Variants in ZNF267 observed in about 807,000 individuals in gnomAD.
The protein encoded by ZNF267 is zinc finger (C2H2).
Under a neutral mutation model 71.6 loss-of-function variants are expected in ZNF267, and 61 were observed. The ratio of observed to expected loss-of-function variants is 0.85; its 90% CI spans 0.69 to 1.05. The LOEUF (loss-of-function observed/expected upper bound fraction) is 1.05. Ranked by LOEUF, ZNF267 falls within the 50% of genes least tolerant of loss-of-function variation. The probability of loss-of-function intolerance (pLI) is 0.00; values close to 1 mark genes in which losing one functional copy is unlikely to be tolerated. For missense variants in ZNF267, 852 were observed against 870.0 expected (o/e 0.98, Z 0.26); for synonymous variants, 288 against 293.2 (o/e 0.98, Z 0.18).
At chr16:31,906,082 G>A (rs1947080909) in intron 3 of ZNF267, among the ~76,000 whole-genome samples, 1 of 152,184 alleles carries the variant, frequency 6.6e-6, no homozygotes, top group Non-Finnish European at 1.5e-5. Context: ...ATCAGCAGTG[G>A]TGGCTGCTGA....
chr16:31,910,653 G>T (rs2084128683), intron 3 of ZNF267, among the ~76,000 whole-genome samples: 1 of 150,804 alleles, frequency 6.6e-6, no homozygotes, highest in African/African-American at 2.5e-5. Context: ...CAAGCTAAAG[G>T]TTTGTAAATT....
intron 1 of ZNF267, chr16:31,874,186 G>T (rs1391893354): frequency 1.5e-5 from 8 of 523,756 alleles, no homozygotes; most frequent in Non-Finnish European, 2.7e-5. Flanking sequence ...TCCCGACCCC[G>T]CAGAGCGACC....
intron 1 of ZNF267, among the ~76,000 whole-genome samples, chr16:31,880,504 T>C (rs1274974927): frequency 2.6e-5 from 4 of 152,160 alleles, no homozygotes; most frequent in Non-Finnish European, 5.9e-5. Context: ...CTATGACAAC[T>C]CAATTTTCTA....
chr16:31,874,603 C>G (rs1043535364), intron 1 of ZNF267, among the ~76,000 whole-genome samples: 1 of 152,158 alleles, frequency 6.6e-6, no homozygotes, highest in Admixed American at 6.5e-5. Context: ...ATTTTGTTTT[C>G]CCCTAAAGTT....
In ZNF267 at chr16:31,914,746, G is replaced by A; in HGVS notation, c.497G>A (p.Arg166Lys). The change falls in exon 4 of 4, where the codon AGG becomes AAG. Residue 166 changes from arginine to lysine, a missense_variant. By Grantham distance (26) the Arg-to-Lys change is conservative. Coordinates refer to ENST00000300870, the MANE Select transcript of ZNF267 (RefSeq NM_003414.6). Reference protein sequence around the residue: ...CAKSYNFDQYRKVFTHSSLLN... With the variant: ...CAKSYNFDQYKKVFTHSSLLN... ...AAAAGCTATAACTTTGATCAATATA[G>A]GAAGGTCTTTACTCATTCATCATTG... The A allele has an allele frequency of 6.2e-7, 1 of 1,614,030 alleles. No homozygotes were observed. Among genetic ancestry groups the A allele is most frequent in the Non-Finnish European group, 8.5e-7 (1 of 1,180,002 alleles).
intron 3 of ZNF267, among the ~76,000 whole-genome samples, chr16:31,902,440 T>C (rs1432504271): frequency 1.3e-5 from 2 of 152,234 alleles, no homozygotes; most frequent in Non-Finnish European, 2.9e-5. Flanking sequence ...GGAATGTTCT[T>C]CCATTTGTTT....
At chr16:31,876,890 CCCAGCCT>C (rs1012859354) in intron 1 of ZNF267, among the ~76,000 whole-genome samples, 55 of 152,260 alleles carry the variant, frequency 3.6e-4, no homozygotes, top group African/African-American at 1.3e-3. Context: ...CTGCAGGTTT[CCCAGCCT>C]GCTCACCCCA....
chr16:31,896,139 G>T (rs1048574767), intron 3 of ZNF267, among the ~76,000 whole-genome samples: 1 of 151,720 alleles, frequency 6.6e-6, no homozygotes, highest in African/African-American at 2.4e-5. Flanking sequence ...ATCCACTTGA[G>T]TAGGCTCACT....
chr16:31,877,431 G>A (rs1265261004), intron 1 of ZNF267, among the ~76,000 whole-genome samples: 1 of 152,092 alleles, frequency 6.6e-6, no homozygotes, highest in African/African-American at 2.4e-5. Context: ...AAGCTCAGAA[G>A]GTAGGAGGGG....
At chr16:31,897,562 G>T (rs566216154) in intron 3 of ZNF267, among the ~76,000 whole-genome samples, 6 of 151,924 alleles carry the variant, frequency 3.9e-5, no homozygotes, top group African/African-American at 1.4e-4. Flanking sequence ...TTCCCCCCAA[G>T]ATTGTTTGGC....
At chr16:31,907,080 A>G (rs1288123465) in intron 3 of ZNF267, among the ~76,000 whole-genome samples, 1 of 152,042 alleles carries the variant, frequency 6.6e-6, no homozygotes. Flanking sequence ...TGATCATTTT[A>G]TAAGAGTGGC....
chr16:31,900,540 G>T (rs2084031608), intron 3 of ZNF267, among the ~76,000 whole-genome samples: 1 of 152,074 alleles, frequency 6.6e-6, no homozygotes, highest in Non-Finnish European at 1.5e-5. Flanking sequence ...CGCCTCCTGG[G>T]TTCACGCCAT....
intron 3 of ZNF267, among the ~76,000 whole-genome samples, chr16:31,903,435 T>C (rs542953728): frequency 6.6e-5 from 10 of 152,282 alleles, no homozygotes; most frequent in Admixed American, 2.0e-4. Context: ...TTTTGGTTGG[T>C]AAGCTATTAA....
At chr16:31,900,451 A>AT (rs1377661725) in intron 3 of ZNF267, among the ~76,000 whole-genome samples, 3 of 151,618 alleles carry the variant, frequency 2.0e-5, no homozygotes, top group Non-Finnish European at 2.9e-5. Flanking sequence ...TTATTTCTTT[A>AT]TTTTTTTTCC....
At position 31,915,689 on chromosome 16, in the gene ZNF267, TATGCATCAG is replaced by T; in HGVS notation, c.1442_1450del (p.Met481_Gln483del). The T allele has an allele frequency of 6.2e-7, 1 of 1,613,818 alleles. No individual in the cohort carries two copies. The highest frequency in any genetic ancestry group is 8.5e-7 in the Non-Finnish European group (1 of 1,179,954). On this transcript the variant is annotated inframe_deletion, in exon 4 of 4. Coordinates refer to ENST00000300870, the MANE Select transcript of ZNF267 (RefSeq NM_003414.6). The stretch of plus-strand genomic sequence containing the variant: ...CTTATGCTCGTTCTTCAAATCTTAT[TATGCATCAG>T]AGAGTTCATACTGGAGAGAAGCCTT...
chr16:31,914,546 A>G lies in ZNF267; in HGVS notation c.297A>G (p.Ile99Met). ...CAGAAGCTTCATTCCAAAAAGTGAT[A>G]TCGAGGAGACATGGGAGCTGTGATC... ...HCTEASFQKVISRRHGSCDLE... is the reference protein window; with the variant it reads ...HCTEASFQKVMSRRHGSCDLE... Residue 99 changes from isoleucine (I) to methionine (M), a missense_variant, in exon 4 of 4, where the codon ATA becomes ATG. Ile to Met is a conservative substitution (Grantham distance 10). Transcript: ENST00000300870. The G allele has an allele frequency of 1.2e-6, 2 of 1,614,146 alleles. No homozygotes were observed. The highest frequency in any genetic ancestry group is 1.7e-6 in the Non-Finnish European group (2 of 1,179,998).
At chr16:31,887,378 A>T (rs532484591) in intron 3 of ZNF267, among the ~76,000 whole-genome samples, 1 of 151,114 alleles carries the variant, frequency 6.6e-6, no homozygotes, top group South Asian at 2.1e-4. Flanking sequence ...CTGTGCATAC[A>T]CTTTTTTGTT....
At chr16:31,904,286 G>A (rs1401180192) in intron 3 of ZNF267, among the ~76,000 whole-genome samples, 2 of 152,224 alleles carry the variant, frequency 1.3e-5, no homozygotes, top group African/African-American at 4.8e-5. Context: ...GGAGAGTTCT[G>A]TAGATGTCTA....
At chr16:31,909,777 C>CT (rs2084121896) in intron 3 of ZNF267, among the ~76,000 whole-genome samples, 1 of 152,184 alleles carries the variant, frequency 6.6e-6, no homozygotes, top group Non-Finnish European at 1.5e-5. Flanking sequence ...GCTGCTGTAG[C>CT]TAGCACTTCC....
Sources: allele counts gnomAD v4.1 joint callset (sites outside exome capture counted in the v4.1 genomes callset), GRCh38; gene constraint gnomAD v4.1.1; transcripts MANE v1.5; gene names NCBI Gene and HGNC (gene_info 2026-07-23, HGNC 2026-07-21).